PAAF1: variants seen among roughly 807,000 people sequenced by gnomAD.
PAAF1 encodes the protein proteasomal ATPase associated factor 1.
PAAF1 carries 46 observed loss-of-function variants against 52.8 expected under a neutral mutation model. That is an observed-to-expected ratio of 0.87 (90% CI 0.69 to 1.11). PAAF1 has a LOEUF of 1.11. Among genes scored for constraint, PAAF1 ranks in the 50% most tolerant of loss-of-function variants. The pLI is 0.00. For synonymous variants in PAAF1, 178 were observed against 172.8 expected, an observed-to-expected ratio of 1.03 and a Z score of -0.24; for missense variants, 424 against 477.4, an observed-to-expected ratio of 0.89 and a Z score of 1.04.
chr11:73,888,736 A>G lies in PAAF1; in HGVS notation c.192+1279A>G, dbSNP rs767779913. ...TTATATTTGTTTTTCATAAACAGCT[A>G]TGGGTATTATAGGTATCAGAAGATC... On this transcript the variant is annotated intron_variant, in intron 3 of 11. Transcript: ENST00000310571. The G allele has an allele frequency of 1.1e-4, 24 of 227,628 alleles. No individual in the cohort carries two copies. The South Asian group carries it at 1.5e-3, about 14-fold the overall frequency. 14.1% of individuals were successfully genotyped at this position (227,628 alleles called of 1,614,324 possible). A position where few individuals can be genotyped will look rare whatever the true frequency, so the allele number is the denominator to read the frequency against.
intron 3 of PAAF1, among the ~76,000 whole-genome samples, chr11:73,889,456 CTT>C (rs1195636311): frequency 3.9e-5 from 6 of 152,330 alleles, no homozygotes; most frequent in African/African-American, 1.4e-4. Context: ...TCTGATCTCT[CTT>C]GCAGTTTTTC....
rs527766166 is a variant in PAAF1 at position 73,906,247 on chromosome 11, G to A, written c.533-3152G>A. 5.9e-5 allele frequency among the ~76,000 whole-genome samples: 9 copies of A among 151,608 alleles called. No homozygotes were observed. In the South Asian group the frequency reaches 8.4e-4, roughly 14 times the overall value. On this transcript the variant is annotated intron_variant, in intron 6 of 11. Coordinates refer to ENST00000310571, the MANE Select transcript of PAAF1 (RefSeq NM_025155.3). ...TTGCCAGCTGTATAAATTGAATTTC[G>A]TTTAGTTTTGTTTGTTTGTTTGTTT...
chr11:73,898,060 G>A (rs1949469864), intron 4 of PAAF1, among the ~76,000 whole-genome samples: 1 of 152,194 alleles, frequency 6.6e-6, no homozygotes, highest in East Asian at 1.9e-4. Flanking sequence ...GCGCGCGCCT[G>A]CAATTGCAGG....
intron 2 of PAAF1, among the ~76,000 whole-genome samples, chr11:73,884,327 C>CT (rs1948999871): frequency 6.6e-6 from 1 of 151,968 alleles, no homozygotes; most frequent in Non-Finnish European, 1.5e-5. Context: ...TAGTGAGACT[C>CT]TGTCTCTACT....
intron 4 of PAAF1, among the ~76,000 whole-genome samples, chr11:73,894,642 A>T (rs1409187673): frequency 6.6e-6 from 1 of 151,772 alleles, no homozygotes; most frequent in Non-Finnish European, 1.5e-5. Flanking sequence ...AATAAAAAAA[A>T]ATCTACTAAA....
chr11:73,921,029 G>A (rs1235254884), intron 10 of PAAF1, among the ~76,000 whole-genome samples: 1 of 152,102 alleles, frequency 6.6e-6, no homozygotes, highest in Non-Finnish European at 1.5e-5. Flanking sequence ...GCTGGGTGCA[G>A]TGGCTCACAT....
chr11:73,897,718 G>T (rs1268146056), intron 4 of PAAF1, among the ~76,000 whole-genome samples: 1 of 151,628 alleles, frequency 6.6e-6, no homozygotes, highest in Non-Finnish European at 1.5e-5. Context: ...AGGCAGAGGG[G>T]CTCCTCACAT....
intron 1 of PAAF1, among the ~76,000 whole-genome samples, chr11:73,877,752 G>C (rs1252721189): frequency 6.6e-6 from 1 of 152,148 alleles, no homozygotes; most frequent in South Asian, 2.1e-4. Flanking sequence ...CGGGCTTGGT[G>C]GTGGGCGCCT....
At chr11:73,901,311 T>G (rs1949606846) in intron 6 of PAAF1, among the ~76,000 whole-genome samples, 1 of 152,212 alleles carries the variant, frequency 6.6e-6, no homozygotes, top group Non-Finnish European at 1.5e-5. Flanking sequence ...ACATCTTCCC[T>G]TTGTAACTGA....
At chr11:73,897,050 C>T (rs1405498273) in intron 4 of PAAF1, among the ~76,000 whole-genome samples, 1 of 131,524 alleles carries the variant, frequency 7.6e-6, no homozygotes, top group African/African-American at 2.9e-5. Flanking sequence ...CCAGTAGGGG[C>T]GGCCGGGCAG....
chr11:73,897,806 G>T (rs940522969), intron 4 of PAAF1, among the ~76,000 whole-genome samples: 1 of 152,142 alleles, frequency 6.6e-6, no homozygotes, highest in Non-Finnish European at 1.5e-5. Context: ...CTGCAATCTC[G>T]GCACTTTGGG....
At chr11:73,879,906 A>G (rs2135119634) in intron 2 of PAAF1, 1 of 151,840 alleles carries the variant, frequency 6.6e-6, no homozygotes, top group East Asian at 1.9e-4. Context: ...ATATCAGTGG[A>G]ATAAAGGATG....
intron 10 of PAAF1, among the ~76,000 whole-genome samples, chr11:73,923,196 G>T (rs1230695571): frequency 6.6e-6 from 1 of 151,988 alleles, no homozygotes. Context: ...AAAGGGTAAG[G>T]TACTACCTCG....
intron 7 of PAAF1, 102 bp from the exon 8 acceptor site, chr11:73,914,310 GA>G (rs1302147255): frequency 1.4e-5 from 13 of 903,390 alleles, no homozygotes; most frequent in Admixed American, 1.2e-4. Flanking sequence ...TGTAATAAGT[GA>G]ATCGCTAACA....
intron 6 of PAAF1, 26 bp downstream of exon 6, chr11:73,900,446 G>C: frequency 6.6e-7 from 1 of 1,524,704 alleles, no homozygotes; most frequent in Non-Finnish European, 8.9e-7. Flanking sequence ...TCTCCAAAAG[G>C]CTTCTCTAAT....
chr11:73,892,278 A>AT (rs1349654549), intron 4 of PAAF1, among the ~76,000 whole-genome samples: 2 of 150,382 alleles, frequency 1.3e-5, no homozygotes, highest in Non-Finnish European at 3.0e-5. Context: ...AGCCATGATC[A>AT]TGCCACTGCA....
intron 6 of PAAF1, among the ~76,000 whole-genome samples, chr11:73,900,646 T>C (rs1449913648): frequency 2.6e-5 from 4 of 152,182 alleles, no homozygotes; most frequent in African/African-American, 9.7e-5. Flanking sequence ...TAAAGCCTTT[T>C]CCAGCTGGGT....
intron 7 of PAAF1, 136 bp from the exon 8 acceptor site, chr11:73,914,277 C>T: frequency 1.5e-6 from 1 of 673,606 alleles, no homozygotes; most frequent in South Asian, 1.8e-5. Flanking sequence ...CAGTGAGATA[C>T]AGAACATAAT....
chr11:73,877,165 T>G, intron 1 of PAAF1, 97 bp downstream of exon 1: 93 of 1,258,618 alleles, frequency 7.4e-5, no homozygotes, highest in Non-Finnish European at 9.4e-5. Context: ...CAATAGGGGT[T>G]ACTTCGTCAA....
Sources: allele counts gnomAD v4.1 joint callset (sites outside exome capture counted in the v4.1 genomes callset), GRCh38; gene constraint gnomAD v4.1.1; transcripts MANE v1.5; gene names NCBI Gene and HGNC (gene_info 2026-07-23, HGNC 2026-07-21).